Variants in KIAA0232 observed in about 807,000 individuals in gnomAD.
KIAA0232 encodes the protein uncharacterized protein KIAA0232.
In KIAA0232, 27 loss-of-function variants were observed where a neutral mutation model predicts 122.0. The observed-to-expected ratio is 0.22, with a 90% CI of 0.16 to 0.31. The LOEUF is 0.31. KIAA0232 is among the 10% of genes least tolerant of loss of function. The pLI, the probability that KIAA0232 is intolerant of heterozygous loss-of-function variation, is 1.00. For synonymous variants in KIAA0232, 613 were observed against 587.6 expected, an observed-to-expected ratio of 1.04 and a Z score of -0.63; for missense variants, 1,551 against 1,634.2, an observed-to-expected ratio of 0.95 and a Z score of 0.88.
intron 1 of KIAA0232, among the ~76,000 whole-genome samples, chr4:6,788,178 A>G (rs989404247): frequency 6.6e-6 from 1 of 152,040 alleles, no homozygotes. Flanking sequence ...CTACAGGCAC[A>G]TAACGCCTGG....
In KIAA0232 at chr4:6,861,742, A is replaced by C; in HGVS notation, c.1360A>C (p.Asn454His). Reference protein sequence around the residue: ...SVHGLCISNNNLHKTYLAAGT... With the variant: ...SVHGLCISNNHLHKTYLAAGT... ...GCATGGTCTTTGTATCAGCAACAATAATCTTCATAAAACATACCTCGCAGC... is the reference window on the plus strand; with the variant it reads ...GCATGGTCTTTGTATCAGCAACAATCATCTTCATAAAACATACCTCGCAGC... The change falls in exon 7 of 10, where the codon AAT (asparagine) becomes CAT (histidine). Residue 454 changes from asparagine to histidine, a missense_variant. Asn to His is a moderately conservative substitution (Grantham distance 68). Coordinates refer to ENST00000307659, the MANE Select transcript of KIAA0232 (RefSeq NM_014743.3). The C allele has an allele frequency of 6.2e-7, 1 of 1,614,186 alleles. No individual in the cohort carries two copies. Among genetic ancestry groups the C allele is most frequent in the Non-Finnish European group, 8.5e-7 (1 of 1,180,038 alleles).
chr4:6,819,200 A>G (rs779001443), intron 2 of KIAA0232, among the ~76,000 whole-genome samples: 16 of 152,224 alleles, frequency 1.1e-4, no homozygotes, highest in Non-Finnish European at 2.4e-4. Flanking sequence ...AGCAATTGCA[A>G]CAAAAACGAA....
chr4:6,854,475 A>G (rs573709361), intron 4 of KIAA0232, among the ~76,000 whole-genome samples: 2 of 152,114 alleles, frequency 1.3e-5, no homozygotes, highest in Non-Finnish European at 2.9e-5. Context: ...CGTCATAACC[A>G]TTTGTTCACT....
At chr4:6,868,142 C>T (rs1025664596) in intron 7 of KIAA0232, among the ~76,000 whole-genome samples, 11 of 152,204 alleles carry the variant, frequency 7.2e-5, no homozygotes, top group African/African-American at 2.7e-4. Flanking sequence ...TGAGAATTTA[C>T]AGCTGTGAAG....
intron 4 of KIAA0232, among the ~76,000 whole-genome samples, chr4:6,850,714 T>G (rs1720230850): frequency 6.6e-6 from 1 of 151,784 alleles, no homozygotes; most frequent in Non-Finnish European, 1.5e-5. Flanking sequence ...TGTGCCAGGC[T>G]GGAGTGCAGT....
intron 1 of KIAA0232, among the ~76,000 whole-genome samples, chr4:6,793,739 G>C (rs972943145): frequency 1.3e-5 from 2 of 152,150 alleles, no homozygotes; most frequent in Non-Finnish European, 2.9e-5. Flanking sequence ...CTGGTTAACC[G>C]TTCTAATCTG....
intron 1 of KIAA0232, among the ~76,000 whole-genome samples, chr4:6,799,122 T>C (rs781232236): frequency 6.6e-6 from 1 of 151,954 alleles, no homozygotes; most frequent in Non-Finnish European, 1.5e-5. Context: ...GTCTGGTGGT[T>C]ATTGGCAATA....
At chr4:6,791,554 C>T (rs983445115) in intron 1 of KIAA0232, among the ~76,000 whole-genome samples, 1 of 151,926 alleles carries the variant, frequency 6.6e-6, no homozygotes, top group African/African-American at 2.4e-5. Context: ...TTCTGGAACT[C>T]CTGAACTCAA....
chr4:6,846,868 A>T (rs1282812929), intron 4 of KIAA0232, among the ~76,000 whole-genome samples: 5 of 152,168 alleles, frequency 3.3e-5, no homozygotes, highest in Non-Finnish European at 5.9e-5. Flanking sequence ...TTTGCATATA[A>T]GTATGCTCAT....
intron 7 of KIAA0232, among the ~76,000 whole-genome samples, chr4:6,870,987 G>A (rs906315884): frequency 2.6e-5 from 4 of 152,094 alleles, no homozygotes; most frequent in Non-Finnish European, 4.4e-5. Context: ...GCTTGGGAGC[G>A]TTTTTATTAC....
intron 1 of KIAA0232, among the ~76,000 whole-genome samples, chr4:6,784,935 G>GA (rs1413967581): frequency 7.0e-6 from 1 of 143,270 alleles, no homozygotes; most frequent in Non-Finnish European, 1.5e-5. Context: ...AAGATCAGAT[G>GA]AATTTTTTTT....
chr4:6,871,079 T>G (rs751188744), intron 7 of KIAA0232, among the ~76,000 whole-genome samples: 1 of 152,222 alleles, frequency 6.6e-6, no homozygotes, highest in African/African-American at 2.4e-5. Context: ...AGCAATACTT[T>G]CTTTATACAC....
rs1262445463 is a variant in KIAA0232, at chr4:6,855,411, A to G, written c.370-1753A>G. On this transcript the variant is annotated intron_variant, in intron 4 of 9. Coordinates refer to ENST00000307659, the MANE Select transcript of KIAA0232 (RefSeq NM_014743.3). This position sits in a 1 kb window ranked among gnomAD's most constrained non-coding sequence, Gnocchi z 4.3. ...CTGATTTTTTAAAAAAATATATAAG[A>G]TGCTACAGGTAGTCAAGAAAAGAAC... Among the ~76,000 whole-genome samples, 1 of 152,106 alleles carries G rather than the reference A, an allele frequency of 6.6e-6. No individual in the cohort carries two copies. The highest frequency in any genetic ancestry group is 1.5e-5 in the Non-Finnish European group (1 of 68,028).
At chr4:6,869,216 C>T (rs1721340953) in intron 7 of KIAA0232, among the ~76,000 whole-genome samples, 1 of 152,212 alleles carries the variant, frequency 6.6e-6, no homozygotes, top group Non-Finnish European at 1.5e-5. Context: ...AACTCACTCC[C>T]TTTCTTGATC....
rs77408809 is a variant in KIAA0232 at position 6,827,446 on chromosome 4, C to A, written c.231+2762C>A. Among the ~76,000 whole-genome samples the A allele has an allele frequency of 2.9e-3, 437 of 152,350 alleles. 1 individual carries two copies. The highest frequency in any genetic ancestry group is 4.4e-3 in the Non-Finnish European group (301 of 68,028). On this transcript the variant is annotated intron_variant, in intron 3 of 9. Transcript: ENST00000307659. ...AGACCTGGGTGAAGATGTGTGCCAC[C>A]TTTCCTGATCTCTGGCTCATGCCTG...
At chr4:6,849,570 C>A (rs1192854763) in intron 4 of KIAA0232, among the ~76,000 whole-genome samples, 1 of 152,114 alleles carries the variant, frequency 6.6e-6, no homozygotes, top group Non-Finnish European at 1.5e-5. Flanking sequence ...GAGCTGAGAT[C>A]GTGCCACTGC....
In KIAA0232 at chr4:6,864,262, A is replaced by C. The variant is rs879200981; in HGVS notation, c.3801+79A>C. Reference sequence around the variant, plus strand: ...AAGAACAGACATGCCAGTCAATGAAAGATAGGGTTAAATTATTGGGAAATT... The same window carrying C: ...AAGAACAGACATGCCAGTCAATGAACGATAGGGTTAAATTATTGGGAAATT... On this transcript the variant is annotated intron_variant, in intron 7 of 9. Coordinates refer to ENST00000307659, the MANE Select transcript of KIAA0232 (RefSeq NM_014743.3). 1.5e-5 allele frequency: 21 copies of C among 1,433,488 alleles called. 1 individual carries two copies. The South Asian group carries it at 3.0e-4, about 20-fold the overall frequency. The allele number at this position is 1,433,488 out of a possible 1,614,324, so 88.8% of individuals were successfully genotyped here.
At chr4:6,824,716 CTGAT>C (rs1231177618) in intron 3 of KIAA0232, 32 bp downstream of exon 3, 7 of 1,557,400 alleles carry the variant, frequency 4.5e-6, no homozygotes, top group Non-Finnish European at 6.2e-6. Flanking sequence ...TTTCTGAAAA[CTGAT>C]TGTATCTGTA....
intron 8 of KIAA0232, 53 bp downstream of exon 8, chr4:6,871,735 G>T: frequency 9.1e-7 from 1 of 1,103,482 alleles, no homozygotes; most frequent in Non-Finnish European, 1.4e-6. Flanking sequence ...AATTTGTTAA[G>T]AGCAATAATT....
Sources: allele counts gnomAD v4.1 joint callset (sites outside exome capture counted in the v4.1 genomes callset), GRCh38; gene constraint gnomAD v4.1.1; non-coding constraint Gnocchi (gnomAD v3.1); transcripts MANE v1.5; gene names NCBI Gene and HGNC (gene_info 2026-07-23, HGNC 2026-07-21).